The following TGFBR3 variants were observed in gnomAD, a reference collection of about 807,000 sequenced individuals.
TGFBR3 encodes the protein transforming growth factor beta receptor 3.
Under a neutral mutation model 87.9 loss-of-function variants are expected in TGFBR3, and 46 were observed. That is an observed-to-expected ratio of 0.52 (90% confidence interval 0.41 to 0.67). TGFBR3 has a LOEUF of 0.67. TGFBR3 is among the 30% of genes least tolerant of loss of function. TGFBR3 has a pLI of 0.00. For missense variants in TGFBR3, 866 were observed against 1,041.9 expected (o/e 0.83, Z 2.32); for synonymous variants, 381 against 391.6 (o/e 0.97, Z 0.32).
In TGFBR3 at chr1:91,706,322, G is replaced by A. The variant is rs538388613; in HGVS notation, c.2287+2341C>T. Among the ~76,000 whole-genome samples the A allele has an allele frequency of 1.4e-4, 22 of 152,266 alleles. 1 individual carries two copies. Among genetic ancestry groups the A allele is most frequent in the East Asian group, 1.4e-3 (7 of 5,184 alleles). ...CATAAAGACCCCGCTGATAAAGCAG[G>A]ATGCAGTAAAGAAGCCAGCCGAAAC... On this transcript the variant is annotated intron_variant, in intron 14 of 16. Coordinates refer to ENST00000212355, the MANE Select transcript of TGFBR3 (RefSeq NM_003243.5).
intron 3 of TGFBR3, among the ~76,000 whole-genome samples, chr1:91,769,782 C>T (rs926738751): frequency 5.9e-5 from 9 of 151,940 alleles, no homozygotes; most frequent in East Asian, 1.9e-4. Flanking sequence ...CCAAAAAGGC[C>T]GAGACAGCTG....
intron 14 of TGFBR3, among the ~76,000 whole-genome samples, chr1:91,707,349 A>C (rs1292990129): frequency 2.0e-5 from 3 of 152,200 alleles, no homozygotes; most frequent in Non-Finnish European, 4.4e-5. Flanking sequence ...CCAGATACAC[A>C]ATTGGAATGG....
chr1:91,839,822 G>A (rs1677200928), intron 2 of TGFBR3, among the ~76,000 whole-genome samples: 1 of 152,098 alleles, frequency 6.6e-6, no homozygotes, highest in African/African-American at 2.4e-5. Flanking sequence ...AAAAACTGGT[G>A]AAATCCTAAT....
intron 2 of TGFBR3, among the ~76,000 whole-genome samples, chr1:91,848,261 A>G (rs1677582399): frequency 6.6e-6 from 1 of 152,228 alleles, no homozygotes; most frequent in South Asian, 2.1e-4. Context: ...TATGCTGTCA[A>G]ATGTGGTCCT....
intron 2 of TGFBR3, among the ~76,000 whole-genome samples, chr1:91,847,105 A>T (rs2101131615): frequency 6.6e-6 from 1 of 152,314 alleles, no homozygotes; most frequent in Non-Finnish European, 1.5e-5. Context: ...AAACCTTATA[A>T]ACTACTCAAT....
At chr1:91,775,175 C>T (rs141172314) in intron 3 of TGFBR3, among the ~76,000 whole-genome samples, 6 of 152,300 alleles carry the variant, frequency 3.9e-5, no homozygotes, top group South Asian at 2.1e-4. Flanking sequence ...ACCAATTCTC[C>T]GTTGTTAGCA....
intron 3 of TGFBR3, among the ~76,000 whole-genome samples, chr1:91,769,112 G>C (rs997361424): frequency 4.6e-5 from 7 of 152,152 alleles, no homozygotes; most frequent in Non-Finnish European, 1.0e-4. Context: ...TTCATCAATT[G>C]TAACATGGGG....
intron 3 of TGFBR3, among the ~76,000 whole-genome samples, chr1:91,761,158 G>A (rs998094931): frequency 5.9e-5 from 9 of 152,044 alleles, no homozygotes; most frequent in Admixed American, 1.3e-4. Flanking sequence ...CAGAAGTTTC[G>A]GTCAAAATAT....
chr1:91,789,820 G>C (rs1675121161), intron 3 of TGFBR3, among the ~76,000 whole-genome samples: 1 of 152,180 alleles, frequency 6.6e-6, no homozygotes. Context: ...GCATTGCCTT[G>C]CTGTCCCTAA....
Position 91,712,417 on chromosome 1 carries a change from T to A in TGFBR3, c.1992A>T (p.Glu664Asp), listed in dbSNP as rs1571431080. Residue 664 changes from glutamate to aspartate, a missense_variant, in exon 13 of 17, where the codon GAA becomes GAT. Transcript: ENST00000212355. Reference protein sequence around the residue: ...TIIENICPKDESVKFYSPKRV... With the variant: ...TIIENICPKDDSVKFYSPKRV... ...TCTTGGGACTGTAGAATTTCACAGA[T>A]TCATCTTTAGGACAAATATTCTCAA... The A allele has an allele frequency of 6.2e-6, 10 of 1,614,198 alleles. No homozygotes were observed. In the East Asian group the frequency reaches 2.2e-4, roughly 36 times the overall value.
At chr1:91,758,274 TAGCCA>T in intron 4 of TGFBR3, among the ~76,000 whole-genome samples, 1 of 152,214 alleles carries the variant, frequency 6.6e-6, no homozygotes, top group African/African-American at 2.4e-5. Flanking sequence ...ACACACCCGG[TAGCCA>T]GTTACAATAT....
chr1:91,704,441 A>G (rs998927643), intron 14 of TGFBR3, among the ~76,000 whole-genome samples: 1 of 152,134 alleles, frequency 6.6e-6, no homozygotes, highest in African/African-American at 2.4e-5. Context: ...ACTAGAATCA[A>G]CCTCCATCTG....
At chr1:91,782,747 G>A (rs1402937610) in intron 3 of TGFBR3, among the ~76,000 whole-genome samples, 1 of 128 alleles carries the variant, frequency 7.8e-3, no homozygotes, top group Admixed American at 0.12. Flanking sequence ...GCTCACTTTC[G>A]ACCTTTTGTG....
At chr1:91,803,960 C>T (rs284162) in intron 2 of TGFBR3, among the ~76,000 whole-genome samples, 18,192 of 152,190 alleles carry the variant, frequency 0.12, 1,501 homozygotes, top group East Asian at 0.47. Flanking sequence ...GCAAACACCA[C>T]GAAAGAACAG....
chr1:91,698,192 A>AGGTTT (rs1671496827), intron 14 of TGFBR3, 62 bp from the exon 15 acceptor site: 10 of 1,415,686 alleles, frequency 7.1e-6, no homozygotes, highest in Non-Finnish European at 1.0e-5. Context: ...GCAAAGGGTC[A>AGGTTT]TCAAAGTCTC....
chr1:91,854,556 AATAAT>A (rs1677866128), intron 2 of TGFBR3, among the ~76,000 whole-genome samples: 1 of 152,176 alleles, frequency 6.6e-6, no homozygotes, highest in Non-Finnish European at 1.5e-5. Flanking sequence ...TGTGAAAAAA[AATAAT>A]ATATTTTACA....
At chr1:91,729,150 T>TACATACACACAC (rs1672661289) in intron 6 of TGFBR3, among the ~76,000 whole-genome samples, 1 of 66,856 alleles carries the variant, frequency 1.5e-5, no homozygotes, top group South Asian at 9.1e-4. Flanking sequence ...CACTCCAGCA[T>TACATACACACAC]ACACACACAC....
At chr1:91,849,080 A>T (rs2101137438) in intron 2 of TGFBR3, among the ~76,000 whole-genome samples, 1 of 152,332 alleles carries the variant, frequency 6.6e-6, no homozygotes, top group South Asian at 2.1e-4. Flanking sequence ...TGAATTTCCT[A>T]AGCATATGAC....
At chr1:91,721,495 A>C (rs1026011562) in intron 8 of TGFBR3, among the ~76,000 whole-genome samples, 3 of 152,190 alleles carry the variant, frequency 2.0e-5, no homozygotes, top group Non-Finnish European at 4.4e-5. Flanking sequence ...AGAAAACCTC[A>C]AGAATTTGTT....
Sources: gnomAD v4.1 joint callset for allele counts (sites outside exome capture counted in the v4.1 genomes callset) on GRCh38, gnomAD v4.1.1 for gene constraint, MANE v1.5 for transcripts, NCBI Gene and HGNC (gene_info 2026-07-23, HGNC 2026-07-21) for gene names.